The following OLR1 variants were observed in gnomAD, a reference collection of about 807,000 sequenced individuals.
OLR1 encodes oxidized low density lipoprotein receptor 1.
In OLR1, 23 loss-of-function variants were observed where a neutral mutation model predicts 31.7. That is an observed-to-expected ratio of 0.72 (90% CI 0.52 to 1.03). The LOEUF is 1.03. OLR1 is among the 50% of genes least tolerant of loss of function. The probability of loss-of-function intolerance (pLI) is 0.00; values close to 1 mark genes in which losing one functional copy is unlikely to be tolerated. For synonymous variants in OLR1, 117 were observed against 115.8 expected, an observed-to-expected ratio of 1.01 and a Z score of -0.07; for missense variants, 286 against 315.7, an observed-to-expected ratio of 0.91 and a Z score of 0.71.
chr12:10,163,515 A>G (rs1056163411), intron 3 of OLR1, among the ~76,000 whole-genome samples: 4 of 151,996 alleles, frequency 2.6e-5, no homozygotes, highest in Admixed American at 6.5e-5. Context: ...CCCTCCTCAT[A>G]TATACATTGA....
chr12:10,171,934 C>A, intron 1 of OLR1, 68 bp downstream of exon 1: 2 of 1,164,076 alleles, frequency 1.7e-6, no homozygotes, highest in Non-Finnish European at 2.6e-6. Flanking sequence ...TCCCATTCTT[C>A]GGTGAATTTA....
At chr12:10,171,385 A>G (rs1367945174) in intron 1 of OLR1, among the ~76,000 whole-genome samples, 1 of 152,218 alleles carries the variant, frequency 6.6e-6, no homozygotes, top group Non-Finnish European at 1.5e-5. Flanking sequence ...ATGCAATTTA[A>G]TTACTGTATG....
chr12:10,160,536 G>A, intron 4 of OLR1, 74 bp from the exon 5 acceptor site: 1 of 1,198,488 alleles, frequency 8.3e-7, no homozygotes, highest in Non-Finnish European at 1.2e-6. Flanking sequence ...GTTAGTGTTG[G>A]ATCCACAAAA....
At chr12:10,171,545 T>C (rs561481474) in intron 1 of OLR1, among the ~76,000 whole-genome samples, 1 of 152,326 alleles carries the variant, frequency 6.6e-6, no homozygotes, top group South Asian at 2.1e-4. Context: ...ACAGAAATTA[T>C]CGTTATATAC....
chr12:10,172,529 C>T (rs2742112), upstream of OLR1: 57,585 of 155,756 alleles, frequency 0.37, 10,994 homozygotes, highest in East Asian at 0.56. Flanking sequence ...GTGTCTTTTA[C>T]GAATCAGATA....
chr12:10,161,042 GT>G, intron 3 of OLR1, 117 bp from the exon 4 acceptor site: 1 of 1,091,344 alleles, frequency 9.2e-7, no homozygotes, highest in Non-Finnish European at 1.3e-6. Flanking sequence ...TTTTGTTTTT[GT>G]TTTTGTTTTT....
rs1285778150 is a variant in OLR1, at chr12:10,160,017, T to G, written c.685A>C (p.Arg229=). The part of the protein sequence containing the change: ...DGSPLMPHLF[R]VRGAVSQTYP... ...GTCTGGGAGACAGCGCCTCGGACTC[T>G]AAATCTGCAGGTAGGAAAAAACAAA... Residue 229 remains arginine, a synonymous_variant, in exon 6 of 6, where the codon AGA becomes CGA. Transcript: ENST00000309539. 1.9e-6 allele frequency: 3 copies of G among 1,596,656 alleles called. No homozygotes were observed. In the South Asian group the frequency reaches 3.3e-5, roughly 18 times the overall value.
chr12:10,171,166 C>T (rs2137526852), intron 1 of OLR1, among the ~76,000 whole-genome samples: 1 of 152,330 alleles, frequency 6.6e-6, no homozygotes, highest in South Asian at 2.1e-4. Context: ...TGTTAAATCA[C>T]TCCATGCTCA....
In OLR1 at chr12:10,159,756, G is replaced by A. The variant is rs575452645; in HGVS notation, c.*124C>T. ...CTGGAACCCCAGTTTCTGCAAAGGA[G>A]TTCTGCAGCCAGCTAAATGACAGTT... is the stretch of plus-strand genomic sequence containing the variant. On this transcript the variant is annotated 3_prime_UTR_variant, in exon 6 of 6. Coordinates refer to ENST00000309539, the MANE Select transcript of OLR1 (RefSeq NM_002543.4). 6.4e-6 allele frequency: 6 copies of A among 940,638 alleles called. No homozygotes were observed. The highest frequency in any genetic ancestry group is 2.7e-5 in the Admixed American group (1 of 37,252). 58.3% of individuals were successfully genotyped at this position (940,638 alleles called of 1,614,324 possible).
chr12:10,173,968 A>G (rs1948746703), upstream of OLR1, among the ~76,000 whole-genome samples: 1 of 152,088 alleles, frequency 6.6e-6, no homozygotes, highest in Non-Finnish European at 1.5e-5. Context: ...ACCACCATCC[A>G]TCTCCAGAAC....
chr12:10,164,095 T>A (rs1283384424), intron 3 of OLR1, among the ~76,000 whole-genome samples: 1 of 152,244 alleles, frequency 6.6e-6, no homozygotes, highest in Non-Finnish European at 1.5e-5. Flanking sequence ...CCAGGGCATC[T>A]CTGGGAGATA....
At chr12:10,170,585 G>A (rs1948706003) in intron 1 of OLR1, 1 of 146,630 alleles carries the variant, frequency 6.8e-6, no homozygotes, top group African/African-American at 2.5e-5. Context: ...TCCGCCTCCT[G>A]GGTTCGAGTG....
At chr12:10,166,300 G>A (rs914953900) in intron 3 of OLR1, among the ~76,000 whole-genome samples, 1 of 152,060 alleles carries the variant, frequency 6.6e-6, no homozygotes, top group African/African-American at 2.4e-5. Context: ...GGCCAAGATG[G>A]GTGGATCACC....
Position 10,159,837 on chromosome 12 carries a change from T to A in OLR1, c.*43A>T. 1 of 1,558,406 alleles carries A rather than the reference T, an allele frequency of 6.4e-7. No individual in the cohort carries two copies. Among genetic ancestry groups the A allele is most frequent in the Non-Finnish European group, 8.7e-7 (1 of 1,150,792 alleles). ...ACAAAGAATAGCTTAAATTCCAGAA[T>A]AAAACTCAAAGACTTTTTTCTTTTC... On this transcript the variant is annotated 3_prime_UTR_variant, in exon 6 of 6. Coordinates refer to ENST00000309539, the MANE Select transcript of OLR1 (RefSeq NM_002543.4).
At chr12:10,160,976 T>C in intron 3 of OLR1, 51 bp from the exon 4 acceptor site, 1 of 1,550,696 alleles carries the variant, frequency 6.4e-7, no homozygotes, top group Non-Finnish European at 8.9e-7. Flanking sequence ...GTAAAAGCAG[T>C]ACTGCAGTTC....
chr12:10,167,186 C>A, intron 2 of OLR1: 1 of 427,982 alleles, frequency 2.3e-6, no homozygotes, highest in Non-Finnish European at 4.2e-6. Context: ...TTAAAAATTA[C>A]CAAGATTTTG....
rs1490039822 is a variant in OLR1, at chr12:10,158,307, A to G, written c.*1573T>C. ...ATCCTATGTTCATACAGACTTGTACACAAATGTTCACAGCAGCTTTATTTG... is the reference window on the plus strand; with the variant it reads ...ATCCTATGTTCATACAGACTTGTACGCAAATGTTCACAGCAGCTTTATTTG... On this transcript the variant is annotated 3_prime_UTR_variant, in exon 6 of 6. Transcript: ENST00000309539. 6.6e-6 allele frequency: 1 copy of G among 152,244 alleles called. No individual in the cohort carries two copies. Among genetic ancestry groups the G allele is most frequent in the Non-Finnish European group, 1.5e-5 (1 of 68,050 alleles). 9.4% of individuals were successfully genotyped at this position (152,244 alleles called of 1,614,324 possible).
At chr12:10,169,236 TC>T in intron 1 of OLR1, 61 bp from the exon 2 acceptor site, 3 of 1,191,878 alleles carry the variant, frequency 2.5e-6, no homozygotes, top group Non-Finnish European at 3.6e-6. Context: ...AGCAAACCAT[TC>T]CTTGGAGCCT....
At chr12:10,174,221 C>T (rs937898551), upstream of OLR1, among the ~76,000 whole-genome samples, 4 of 152,016 alleles carry the variant, frequency 2.6e-5, no homozygotes, top group Non-Finnish European at 4.4e-5. Context: ...CCACCCCTCC[C>T]GGCTAATTGT....
Sources: allele counts gnomAD v4.1 joint callset (sites outside exome capture counted in the v4.1 genomes callset), GRCh38; gene constraint gnomAD v4.1.1; transcripts MANE v1.5; gene names NCBI Gene and HGNC (gene_info 2026-07-23, HGNC 2026-07-21).